Variants in EIF3K observed in about 807,000 individuals in gnomAD.
EIF3K encodes the protein eIF-3 p28.
In EIF3K, 27 loss-of-function variants were observed where a neutral mutation model predicts 34.2. The observed-to-expected ratio is 0.79, with a 90% CI of 0.58 to 1.09. The LOEUF (loss-of-function observed/expected upper bound fraction) is 1.09, where lower values mean the gene tolerates loss of function less well. EIF3K is among the 50% of genes least tolerant of loss of function. The pLI, the probability that EIF3K is intolerant of heterozygous loss-of-function variation, is 0.00. For missense variants in EIF3K, 232 were observed against 275.4 expected (o/e 0.84, Z 1.11); for synonymous variants, 105 against 105.7 (o/e 0.99, Z 0.04).
intron 4 of EIF3K, among the ~76,000 whole-genome samples, chr19:38,629,343 G>A (rs1599735891): frequency 6.6e-6 from 1 of 151,960 alleles, no homozygotes; most frequent in African/African-American, 2.4e-5. Context: ...CGCCCAGGCC[G>A]CAGTGCAGTG....
chr19:38,627,614 T>C (rs535691892), intron 4 of EIF3K, among the ~76,000 whole-genome samples: 1 of 151,784 alleles, frequency 6.6e-6, no homozygotes, highest in African/African-American at 2.4e-5. Context: ...ACCCAGAGGT[T>C]ATGGTGAGCT....
intron 2 of EIF3K, among the ~76,000 whole-genome samples, chr19:38,623,046 A>G (rs1047504814): frequency 6.6e-6 from 1 of 152,220 alleles, no homozygotes; most frequent in Non-Finnish European, 1.5e-5. Context: ...TCCTGGAACG[A>G]TATACATCCT....
At chr19:38,635,340 C>G in intron 7 of EIF3K, 1 of 619,130 alleles carries the variant, frequency 1.6e-6, no homozygotes, top group Non-Finnish European at 2.8e-6. Context: ...TGTGTCCTGC[C>G]CCATAGCACT....
chr19:38,634,976 G>A lies in EIF3K; in HGVS notation c.500-17G>A. 1.2e-6 allele frequency: 2 copies of A among 1,613,952 alleles called. No homozygotes were observed. The highest frequency in any genetic ancestry group is 2.2e-5 in the South Asian group (2 of 91,058). On this transcript the variant is annotated splice_polypyrimidine_tract_variant and intron_variant, in intron 6 of 7. Coordinates refer to ENST00000248342, the MANE Select transcript of EIF3K (RefSeq NM_013234.4). ...ATCAGGCTGACTGAAGCCCCTTGCT[G>A]CCCCTGTCACCTGCAGACAGCCAGC...
intron 3 of EIF3K, among the ~76,000 whole-genome samples, chr19:38,624,453 A>G (rs1406466537): frequency 1.3e-5 from 2 of 152,194 alleles, no homozygotes; most frequent in Admixed American, 6.6e-5. Flanking sequence ...CAAGAGTCAC[A>G]GCAGCCGGGC....
intron 1 of EIF3K, 81 bp downstream of exon 1, chr19:38,619,408 G>A (rs1975786644): frequency 6.6e-7 from 1 of 1,520,798 alleles, no homozygotes; most frequent in African/African-American, 1.4e-5. Flanking sequence ...GGGTGTTCAG[G>A]GTCCTGGGCT....
chr19:38,630,347 ATTTTTTTT>A (rs71165567), intron 4 of EIF3K, among the ~76,000 whole-genome samples: 4 of 124,390 alleles, frequency 3.2e-5, no homozygotes, highest in African/African-American at 1.1e-4. Flanking sequence ...TTATTTATTT[ATTTTTTTT>A]TTTTTTTGAG....
chr19:38,629,406 C>T (rs893301728), intron 4 of EIF3K, among the ~76,000 whole-genome samples: 4 of 152,174 alleles, frequency 2.6e-5, no homozygotes, highest in Non-Finnish European at 4.4e-5. Flanking sequence ...GTGATCCCCG[C>T]ACTTCAGCCT....
chr19:38,622,159 G>A (rs1010705522), intron 2 of EIF3K, among the ~76,000 whole-genome samples: 3 of 149,788 alleles, frequency 2.0e-5, no homozygotes, highest in Admixed American at 6.7e-5. Context: ...GTGCCTTGGC[G>A]TGATCTCATG....
At chr19:38,626,194 C>G (rs1975947796) in intron 4 of EIF3K, 92 bp downstream of exon 4, 14 of 1,246,436 alleles carry the variant, frequency 1.1e-5, no homozygotes, top group Admixed American at 1.7e-5. Context: ...GACTGGCTTC[C>G]TGCTTTGGCG....
intron 3 of EIF3K, among the ~76,000 whole-genome samples, chr19:38,624,433 GGTTGGGTTACAAGAGT>G (rs1390046539): frequency 6.6e-6 from 1 of 152,232 alleles, no homozygotes; most frequent in African/African-American, 2.4e-5. Flanking sequence ...GAGTGGTCAG[GGTTGGGTTACAAGAGT>G]CACAGCAGCC....
intron 4 of EIF3K, 51 bp from the exon 5 acceptor site, chr19:38,632,379 A>G (rs1477631941): frequency 1.3e-6 from 2 of 1,558,432 alleles, no homozygotes; most frequent in Non-Finnish European, 8.8e-7. Flanking sequence ...ATAAAAATAA[A>G]AGCAAATAAT....
chr19:38,620,515 C>A, intron 2 of EIF3K, 80 bp downstream of exon 2: 1 of 1,218,036 alleles, frequency 8.2e-7, no homozygotes, highest in Non-Finnish European at 1.2e-6. Flanking sequence ...AAGGGGGTGG[C>A]TGGTAGTATC....
chr19:38,623,479 A>G (rs1366855987), intron 2 of EIF3K, among the ~76,000 whole-genome samples: 1 of 151,340 alleles, frequency 6.6e-6, no homozygotes, highest in Non-Finnish European at 1.5e-5. Context: ...TAATTTTTGT[A>G]TTTTTAGTAG....
chr19:38,626,342 G>C (rs953970249), intron 4 of EIF3K: 1 of 517,090 alleles, frequency 1.9e-6, no homozygotes, highest in East Asian at 3.1e-5. Flanking sequence ...GAGCCCTCTA[G>C]TACACACCGT....
intron 7 of EIF3K, among the ~76,000 whole-genome samples, chr19:38,635,987 A>C (rs1271842406): frequency 6.6e-6 from 1 of 152,234 alleles, no homozygotes; most frequent in African/African-American, 2.4e-5. Context: ...TCTTAACACA[A>C]ACCAGCTAAT....
At chr19:38,622,888 C>T (rs1599730627) in intron 2 of EIF3K, among the ~76,000 whole-genome samples, 1 of 152,204 alleles carries the variant, frequency 6.6e-6, no homozygotes, top group Non-Finnish European at 1.5e-5. Flanking sequence ...CTGTTCTGCC[C>T]GGCTCACCGG....
chr19:38,621,911 TTTTTTTTTTTTTTTG>T (rs1975849707), intron 2 of EIF3K, among the ~76,000 whole-genome samples: 1 of 146,232 alleles, frequency 6.8e-6, no homozygotes, highest in African/African-American at 2.6e-5. Context: ...CCCTTTTTTT[TTTTTTTTTTTTTTTG>T]GAGACAGGAT....
In EIF3K at chr19:38,632,433, G is replaced by T. The variant is rs755314834; in HGVS notation, c.358G>T (p.Ala120Ser). 4 of 1,613,832 alleles carry T rather than the reference G, an allele frequency of 2.5e-6. No individual in the cohort carries two copies. In the South Asian group the frequency reaches 3.3e-5, roughly 13 times the overall value. Residue 120 changes from alanine to serine, a missense_variant, in exon 5 of 8, where the codon GCC (alanine) becomes TCC (serine). By Grantham distance (99) the Ala-to-Ser change is moderately conservative. Coordinates refer to ENST00000248342, the MANE Select transcript of EIF3K (RefSeq NM_013234.4). ...ETCHFQAFWQ[A>S]LDENMDLLEG... ...TGAACATCAATTCCCATCACAGCAA[G>T]CCCTGGATGAAAACATGGACCTCTT... is the stretch of plus-strand genomic sequence containing the variant.
Sources: allele counts gnomAD v4.1 joint callset (sites outside exome capture counted in the v4.1 genomes callset), GRCh38; gene constraint gnomAD v4.1.1; transcripts MANE v1.5; gene names NCBI Gene and HGNC (gene_info 2026-07-23, HGNC 2026-07-21).